Variants in MEGF11 observed in about 807,000 individuals in gnomAD.
MEGF11 encodes the protein multiple EGF like domains 11, also known as multiple epidermal growth factor-like domains protein 11.
In MEGF11, 126 loss-of-function variants were observed where a neutral mutation model predicts 146.6. That is an observed-to-expected ratio of 0.86 (90% CI 0.74 to 1.00). The LOEUF is 1.00. Among genes scored for constraint, MEGF11 ranks in the 50% least tolerant of loss-of-function variants. The probability of loss-of-function intolerance (pLI) is 0.00; values close to 1 mark genes in which losing one functional copy is unlikely to be tolerated. For synonymous variants in MEGF11, 532 were observed against 583.4 expected (o/e 0.91, Z 1.27); for missense variants, 1,509 against 1,521.2 (o/e 0.99, Z 0.13).
chr15:66,205,375 T>C (rs1236174931), intron 1 of MEGF11, among the ~76,000 whole-genome samples: 1 of 152,070 alleles, frequency 6.6e-6, no homozygotes, highest in Non-Finnish European at 1.5e-5. Flanking sequence ...GCCCAGGAAT[T>C]TGAGGTTACA....
At chr15:66,025,503 A>G (rs2140203699) in intron 5 of MEGF11, among the ~76,000 whole-genome samples, 1 of 152,236 alleles carries the variant, frequency 6.6e-6, no homozygotes, top group South Asian at 2.1e-4. Context: ...CAAGGGTAGC[A>G]CGGTGGAGTC....
intron 5 of MEGF11, among the ~76,000 whole-genome samples, chr15:66,036,284 A>G (rs571317069): frequency 6.6e-6 from 1 of 152,260 alleles, no homozygotes; most frequent in Admixed American, 6.5e-5. Flanking sequence ...CCTCTTCTCT[A>G]TCCTTTCTCC....
intron 10 of MEGF11, among the ~76,000 whole-genome samples, chr15:65,955,823 A>AATATATATAAATATATATATATATAT (rs71139451): frequency 0.024 from 964 of 40,120 alleles, 32 homozygotes; most frequent in South Asian, 0.062. Context: ...CAATACTTTA[A>AATATATATAAATATATATATATATAT]ATATATAACA....
intron 1 of MEGF11, among the ~76,000 whole-genome samples, chr15:66,233,467 C>T (rs889306291): frequency 2.0e-5 from 3 of 152,152 alleles, no homozygotes; most frequent in Non-Finnish European, 2.9e-5. Flanking sequence ...AACTCCTGAC[C>T]TCAAGTGATC....
At chr15:65,968,947 A>G (rs1485872351) in intron 8 of MEGF11, among the ~76,000 whole-genome samples, 2 of 152,162 alleles carry the variant, frequency 1.3e-5, no homozygotes, top group African/African-American at 4.8e-5. Flanking sequence ...AAATTAATGG[A>G]GGCAATTTTA....
chr15:65,990,683 A>G (rs947333698), intron 5 of MEGF11, among the ~76,000 whole-genome samples: 8 of 149,256 alleles, frequency 5.4e-5, no homozygotes, highest in Non-Finnish European at 7.4e-5. Context: ...GGAAGAAAGG[A>G]AGAAAGGAAG....
At chr15:65,968,545 A>C (rs1000362067) in intron 8 of MEGF11, among the ~76,000 whole-genome samples, 1 of 152,052 alleles carries the variant, frequency 6.6e-6, no homozygotes, top group Non-Finnish European at 1.5e-5. Context: ...TTGACAACCT[A>C]ATTCATTTAC....
chr15:66,115,526 A>G (rs1178290735), intron 4 of MEGF11, among the ~76,000 whole-genome samples: 4 of 152,230 alleles, frequency 2.6e-5, no homozygotes, highest in Non-Finnish European at 5.9e-5. Context: ...CAGCCTCTTC[A>G]GATTTCCTAT....
intron 1 of MEGF11, among the ~76,000 whole-genome samples, chr15:66,180,510 C>G (rs2090517078): frequency 6.6e-6 from 1 of 152,240 alleles, no homozygotes; most frequent in Admixed American, 6.5e-5. Flanking sequence ...CGGAAGGACA[C>G]AGTCTCATCC....
intron 21 of MEGF11, chr15:65,910,044 A>G (rs1596821019): frequency 3.0e-6 from 2 of 658,200 alleles, no homozygotes; most frequent in East Asian, 5.9e-5. Context: ...TAGGGTTCCC[A>G]GGCCTCCTGG....
chr15:66,193,142 T>C (rs991440160), intron 1 of MEGF11, among the ~76,000 whole-genome samples: 2 of 152,248 alleles, frequency 1.3e-5, no homozygotes, highest in African/African-American at 4.8e-5. Flanking sequence ...TATACCATTT[T>C]AACATTTTGT....
chr15:66,067,532 G>T (rs182505575), intron 5 of MEGF11, among the ~76,000 whole-genome samples: 3 of 152,302 alleles, frequency 2.0e-5, no homozygotes, highest in South Asian at 2.1e-4. Flanking sequence ...GCAGCCCCAC[G>T]TTCTTTCCCG....
intron 2 of MEGF11, 64 bp from the exon 3 acceptor site, chr15:66,124,064 A>C (rs778450166): frequency 8.3e-6 from 11 of 1,331,236 alleles, no homozygotes; most frequent in Non-Finnish European, 1.1e-5. Context: ...GATATTCCGC[A>C]GGGCATCTGA....
chr15:66,062,614 C>A (rs1249348659), intron 5 of MEGF11, among the ~76,000 whole-genome samples: 1 of 152,198 alleles, frequency 6.6e-6, no homozygotes, highest in African/African-American at 2.4e-5. Flanking sequence ...TTGTGAGACA[C>A]TGAGCAGAGG....
Position 65,929,705 on chromosome 15 carries a change from C to A in MEGF11, c.1572+15G>T, listed in dbSNP as rs2079503325. On this transcript the variant is annotated intron_variant, in intron 12 of 25. Transcript: ENST00000395614. ...ATGCGGAGCCCAACCTGTCCCTCCCCACCCTGGCACTCACCGGGCAAGGCA... is the reference window on the plus strand; with the variant it reads ...ATGCGGAGCCCAACCTGTCCCTCCCAACCCTGGCACTCACCGGGCAAGGCA... 1 of 1,546,476 alleles carries A rather than the reference C, an allele frequency of 6.5e-7. No homozygotes were observed. The highest frequency in any genetic ancestry group is 1.2e-5 in the South Asian group (1 of 83,810).
rs547327575 is a variant in MEGF11 at position 65,999,736 on chromosome 15, A to C, written c.395-17248T>G. 1.6e-4 allele frequency among the ~76,000 whole-genome samples: 25 copies of C among 152,336 alleles called. No individual in the cohort carries two copies. In the South Asian group the frequency reaches 1.7e-3, roughly 10 times the overall value. On this transcript the variant is annotated intron_variant, in intron 5 of 25. Transcript: ENST00000395614. ...GCAAGAAGGAGGTGCTCGGTACTAC[A>C]TTTCAACAAAACATTCAAGAAAATG...
chr15:66,189,572 C>T (rs2090814345), intron 1 of MEGF11, among the ~76,000 whole-genome samples: 2 of 152,126 alleles, frequency 1.3e-5, no homozygotes, highest in Admixed American at 1.3e-4. Flanking sequence ...CTGGGCTAAT[C>T]CCCAGGAAGG....
intron 3 of MEGF11, among the ~76,000 whole-genome samples, chr15:66,122,092 A>C (rs1184109017): frequency 1.3e-5 from 2 of 152,060 alleles, no homozygotes; most frequent in African/African-American, 4.8e-5. Flanking sequence ...GCGAAACCCC[A>C]TCTCTACTAA....
At chr15:66,243,403 C>T (rs1438412849) in intron 1 of MEGF11, among the ~76,000 whole-genome samples, 2 of 152,230 alleles carry the variant, frequency 1.3e-5, no homozygotes, top group Admixed American at 6.5e-5. Context: ...TGAGGACTCA[C>T]CCGTCATCCC....
Sources: allele counts gnomAD v4.1 joint callset (sites outside exome capture counted in the v4.1 genomes callset), GRCh38; gene constraint gnomAD v4.1.1; transcripts MANE v1.5; gene names NCBI Gene and HGNC (gene_info 2026-07-23, HGNC 2026-07-21).